Variants in DNAH11 observed in about 807,000 individuals in gnomAD.
The protein encoded by DNAH11 is dynein axonemal heavy chain 11.
In DNAH11, 442 loss-of-function variants were observed where a neutral mutation model predicts 526.0. The observed-to-expected ratio is 0.84, with a 90% CI of 0.78 to 0.91. The LOEUF (loss-of-function observed/expected upper bound fraction) is 0.91. Among genes scored for constraint, DNAH11 ranks in the 40% least tolerant of loss-of-function variants. The pLI is 0.00. For synonymous variants in DNAH11, 2,461 were observed against 1,935.9 expected (o/e 1.27, Z -7.12); for missense variants, 6,989 against 5,448.7 (o/e 1.28, Z -8.90).
At chr7:21,850,487 G>C (rs376387912) in intron 66 of DNAH11, among the ~76,000 whole-genome samples, 5 of 151,734 alleles carry the variant, frequency 3.3e-5, no homozygotes, top group Admixed American at 2.6e-4. Flanking sequence ...GTCTTGCATG[G>C]TGTTCACTTT....
At chr7:21,707,939 T>G in intron 40 of DNAH11, 104 bp downstream of exon 40, 1 of 1,241,570 alleles carries the variant, frequency 8.1e-7, no homozygotes, top group Non-Finnish European at 1.1e-6. Context: ...ACTGTTTATG[T>G]GTTGGCATTA....
In DNAH11 at chr7:21,735,654, C is replaced by T. The variant is rs1026793658; in HGVS notation, c.7455C>T (p.His2485=). Residue 2485 remains histidine, a synonymous_variant, in exon 46 of 82, where the codon CAC becomes CAT. Coordinates refer to ENST00000409508, the MANE Select transcript of DNAH11 (RefSeq NM_001277115.2). ...PDVPLQTVLV[H]TTETARLRYF... ...TCTCCTCCCAGACAGTTCTCGTTCA[C>T]ACAACAGAGACAGCTCGTCTTAGAT... is the stretch of plus-strand genomic sequence containing the variant. The T allele has an allele frequency of 6.3e-7, 1 of 1,593,590 alleles. No individual in the cohort carries two copies. Among genetic ancestry groups the T allele is most frequent in the Non-Finnish European group, 8.6e-7 (1 of 1,168,748 alleles).
intron 3 of DNAH11, 143 bp from the exon 4 acceptor site, chr7:21,559,460 A>T (rs1366391552): frequency 4.3e-6 from 3 of 696,824 alleles, no homozygotes; most frequent in Admixed American, 3.4e-5. Flanking sequence ...CCCACAACTC[A>T]AATCAAGACC....
intron 22 of DNAH11, 158 bp downstream of exon 22, chr7:21,616,450 A>G (rs1785787811): frequency 1.8e-6 from 1 of 541,940 alleles, no homozygotes; most frequent in Admixed American, 3.4e-5. Context: ...AGCCAGTTGC[A>G]CTTCTAATCA....
At chr7:21,692,619 A>G (rs1485856307) in intron 35 of DNAH11, among the ~76,000 whole-genome samples, 2 of 152,206 alleles carry the variant, frequency 1.3e-5, no homozygotes, top group Admixed American at 6.5e-5. Context: ...TTATGAATAA[A>G]GCGGCTATGA....
At chr7:21,635,807 C>T (rs536039956) in intron 25 of DNAH11, 64 bp from the exon 26 acceptor site, 3 of 1,324,090 alleles carry the variant, frequency 2.3e-6, no homozygotes, top group African/African-American at 2.9e-5. Flanking sequence ...TATAGTGCCT[C>T]CCTCATAGCA....
In DNAH11 at chr7:21,561,367, A is replaced by G. The variant is rs1482307827; in HGVS notation, c.982+197A>G. Reference sequence around the variant, plus strand: ...AAACTACTTTTAGTTTATCTGGTATATAGTAGTACCTGCCAAAATGGCTCC... The same window carrying G: ...AAACTACTTTTAGTTTATCTGGTATGTAGTAGTACCTGCCAAAATGGCTCC... On this transcript the variant is annotated intron_variant, in intron 5 of 81. Transcript: ENST00000409508. The G allele has an allele frequency of 8.8e-6, 4 of 452,560 alleles. No individual in the cohort carries two copies. In the Admixed American group the frequency reaches 1.2e-4, roughly 14 times the overall value. 28.0% of individuals were successfully genotyped at this position (452,560 alleles called of 1,614,324 possible). A position where few individuals can be genotyped will look rare whatever the true frequency, so the allele number is the denominator to read the frequency against.
In DNAH11 at chr7:21,543,142, C is replaced by T. The variant is rs2128424685; in HGVS notation, c.-104C>T. 1 of 1,434,208 alleles carries T rather than the reference C, an allele frequency of 7.0e-7. No homozygotes were observed. The highest frequency in any genetic ancestry group is 1.4e-5 in the African/African-American group (1 of 69,364). 88.8% of individuals were successfully genotyped at this position (1,434,208 alleles called of 1,614,324 possible). On this transcript the variant is annotated 5_prime_UTR_variant, in exon 1 of 82. Coordinates refer to ENST00000409508, the MANE Select transcript of DNAH11 (RefSeq NM_001277115.2). ...CTAGGGTCTGCGCTCGCGGCGACCG[C>T]GGAGGAGGGTGGGCGCCTGCGGAGG... is the stretch of plus-strand genomic sequence containing the variant.
At chr7:21,692,742 G>A (rs1490176402) in intron 35 of DNAH11, among the ~76,000 whole-genome samples, 1 of 152,210 alleles carries the variant, frequency 6.6e-6, no homozygotes, top group Non-Finnish European at 1.5e-5. Flanking sequence ...ATAAGAATCT[G>A]CCAGTCTGGT....
chr7:21,879,556 A>T (rs1447160705), intron 74 of DNAH11, among the ~76,000 whole-genome samples: 2 of 152,172 alleles, frequency 1.3e-5, no homozygotes, highest in Non-Finnish European at 2.9e-5. Context: ...CTTTTAGTTC[A>T]TTGGAAGGAA....
rs1554322311 is a variant in DNAH11 at position 21,619,939 on chromosome 7, A to AATT, written c.4378-17_4378-16insATT. ...CAATTAAATTTTGTGCACATTAATT[A>AATT]TATTGTTGATTACTAGGTTATTACT... On this transcript the variant is annotated splice_polypyrimidine_tract_variant and intron_variant, in intron 24 of 81. Transcript: ENST00000409508. 5.8e-5 allele frequency: 92 copies of AATT among 1,582,216 alleles called. No individual in the cohort carries two copies. Among genetic ancestry groups the AATT allele is most frequent in the East Asian group, 2.1e-4 (9 of 43,774 alleles).
intron 30 of DNAH11, among the ~76,000 whole-genome samples, chr7:21,677,404 C>G (rs928624650): frequency 6.6e-6 from 1 of 151,874 alleles, no homozygotes; most frequent in African/African-American, 2.4e-5. Context: ...TTTTTTGAGA[C>G]AGAATCTCAC....
At chr7:21,716,672 T>C (rs943490156) in intron 42 of DNAH11, among the ~76,000 whole-genome samples, 1 of 152,168 alleles carries the variant, frequency 6.6e-6, no homozygotes, top group Non-Finnish European at 1.5e-5. Flanking sequence ...CTTCATTCCT[T>C]TGTCCCCAGG....
intron 73 of DNAH11, 71 bp downstream of exon 73, chr7:21,869,062 C>A: frequency 1.3e-6 from 2 of 1,594,618 alleles, no homozygotes; most frequent in South Asian, 1.1e-5. Context: ...CTGGCCCGCC[C>A]AACAGAATGC....
Position 21,735,715 on chromosome 7 carries a change from C to T in DNAH11, c.7516C>T (p.Leu2506=). 1.2e-6 allele frequency: 2 copies of T among 1,613,938 alleles called. No homozygotes were observed. The highest frequency in any genetic ancestry group is 8.5e-7 in the Non-Finnish European group (1 of 1,179,862). ...GTTGTTGCTTGAGAAAGGAAAACCT[C>T]TAATGCTAGTAGGAAATGCAGGAGT... ...MELLLEKGKP[L]MLVGNAGVGK... The change falls in exon 46 of 82, where the codon CTA becomes TTA. Residue 2506 remains leucine (L), a synonymous_variant. Transcript: ENST00000409508.
rs377002837 is a variant in DNAH11 at position 21,742,122 on chromosome 7, T to G, written c.8110T>G (p.Phe2704Val). The change falls in exon 49 of 82, where the codon TTC becomes GTC. Residue 2704 changes from phenylalanine (F) to valine (V), a missense_variant. Phe to Val is a conservative substitution (Grantham distance 50). Transcript: ENST00000409508. ...TAACTTTTTACCCACGGCTATTAAA[T>G]TCCACTACATCTTTAATCTGAGAGA... The part of the protein sequence containing the change: ...MCNFLPTAIK[F>V]HYIFNLRDLS... 6.2e-7 allele frequency: 1 copy of G among 1,613,892 alleles called. No individual in the cohort carries two copies. Among genetic ancestry groups the G allele is most frequent in the Non-Finnish European group, 8.5e-7 (1 of 1,179,824 alleles).
At chr7:21,837,122 G>A (rs1398713720) in intron 65 of DNAH11, among the ~76,000 whole-genome samples, 1 of 152,152 alleles carries the variant, frequency 6.6e-6, no homozygotes, top group Non-Finnish European at 1.5e-5. Context: ...GGAGAAAAGG[G>A]GATGCTTATA....
At chr7:21,869,088 G>A in intron 73 of DNAH11, 97 bp downstream of exon 73, 2 of 1,533,450 alleles carry the variant, frequency 1.3e-6, no homozygotes, top group South Asian at 1.2e-5. Flanking sequence ...TAACACCGCT[G>A]TGCATGGCGA....
rs1782242347 is a variant in DNAH11, at chr7:21,842,457, T to C, written c.10692-87T>C. On this transcript the variant is annotated intron_variant, in intron 65 of 81. Coordinates refer to ENST00000409508, the MANE Select transcript of DNAH11 (RefSeq NM_001277115.2). ...CACCTGAGCTTCTGGCCAAGGTCCA[T>C]TATAAGAATACAGGAATGGAATGAC... 1.5e-5 allele frequency: 17 copies of C among 1,150,460 alleles called. No homozygotes were observed. The South Asian group carries it at 2.7e-4, about 18-fold the overall frequency. The allele number at this position is 1,150,460 out of a possible 1,614,324, so 71.3% of individuals were successfully genotyped here.
Sources: gnomAD v4.1 joint callset for allele counts (sites outside exome capture counted in the v4.1 genomes callset) on GRCh38, gnomAD v4.1.1 for gene constraint, MANE v1.5 for transcripts, NCBI Gene and HGNC (gene_info 2026-07-23, HGNC 2026-07-21) for gene names.